The following ZNF564 variants were observed in gnomAD, a reference collection of about 807,000 sequenced individuals.
The protein encoded by ZNF564 is zinc finger protein 564.
Under a neutral mutation model 10.5 loss-of-function variants are expected in ZNF564, and 5 were observed. The ratio of observed to expected loss-of-function variants is 0.48; its 90% confidence interval spans 0.25 to 1.00. ZNF564 has a LOEUF of 1.00. Ranked by LOEUF, ZNF564 falls within the 50% of genes least tolerant of loss-of-function variation. The pLI is 0.16. For missense variants in ZNF564, 603 were observed against 669.7 expected, an observed-to-expected ratio of 0.90 and a Z score of 1.10; for synonymous variants, 242 against 218.1, an observed-to-expected ratio of 1.11 and a Z score of -0.97.
intron 1 of ZNF564, among the ~76,000 whole-genome samples, chr19:12,549,969 G>A (rs1369168192): frequency 1.3e-5 from 2 of 152,200 alleles, no homozygotes; most frequent in Non-Finnish European, 2.9e-5. Flanking sequence ...TCGGGGCTTA[G>A]GAAAGATAAA....
chr19:12,543,864 G>T (rs115951312), intron 1 of ZNF564, among the ~76,000 whole-genome samples: 1,761 of 152,168 alleles, frequency 0.012, 32 homozygotes, highest in African/African-American at 0.041. Context: ...GGTAATCGGG[G>T]TTAGAGACCA....
chr19:12,532,530 G>A (rs1342356163), intron 1 of ZNF564, among the ~76,000 whole-genome samples: 6 of 83,420 alleles, frequency 7.2e-5, no homozygotes, highest in East Asian at 3.6e-4. Context: ...GCGAGACTCC[G>A]TCTCAAAAAA....
At chr19:12,540,262 A>C (rs906442154) in intron 1 of ZNF564, among the ~76,000 whole-genome samples, 1 of 152,210 alleles carries the variant, frequency 6.6e-6, no homozygotes, top group African/African-American at 2.4e-5. Flanking sequence ...GGCTGTCATG[A>C]GACTGACATT....
chr19:12,537,542 C>G (rs1423256384), intron 1 of ZNF564, among the ~76,000 whole-genome samples: 2 of 151,782 alleles, frequency 1.3e-5, no homozygotes, highest in African/African-American at 4.8e-5. Context: ...AGTTCGAGAC[C>G]AGCCTGACCA....
intron 1 of ZNF564, among the ~76,000 whole-genome samples, chr19:12,539,368 A>G (rs1045755989): frequency 1.3e-5 from 2 of 151,882 alleles, no homozygotes; most frequent in African/African-American, 4.8e-5. Flanking sequence ...TAGTGTAAAA[A>G]AAGAAAGCTG....
Position 12,547,222 on chromosome 19 carries a change from A to AT in ZNF564, c.3+4107dup, listed in dbSNP as rs373568666. On this transcript the variant is annotated intron_variant, in intron 1 of 3. Transcript: ENST00000339282. ...GGGACTATAGGTGTGCACCACCACAATTTTTTTTAATTTTGTAGAGAGATG... is the reference window on the plus strand; with the variant it reads ...GGGACTATAGGTGTGCACCACCACAATTTTTTTTTAATTTTGTAGAGAGATG... Among the ~76,000 whole-genome samples the AT allele has an allele frequency of 1.4e-3, 212 of 152,050 alleles. 1 individual carries two copies. Among genetic ancestry groups the AT allele is most frequent in the African/African-American group, 4.7e-3 (194 of 41,462 alleles).
intron 1 of ZNF564, chr19:12,532,906 C>T (rs917519294): frequency 5.3e-5 from 8 of 152,116 alleles, no homozygotes; most frequent in South Asian, 2.1e-4. Context: ...ATACACTAAT[C>T]TACTTGTATA....
intron 1 of ZNF564, among the ~76,000 whole-genome samples, chr19:12,542,564 T>G (rs1425425059): frequency 6.7e-6 from 1 of 149,550 alleles, no homozygotes. Context: ...TAGGCTGCAG[T>G]GAGCTATGAT....
chr19:12,546,886 T>C (rs1272063391), intron 1 of ZNF564, among the ~76,000 whole-genome samples: 1 of 152,196 alleles, frequency 6.6e-6, no homozygotes, highest in Non-Finnish European at 1.5e-5. Flanking sequence ...CCCTGAACTT[T>C]GACCCATCCT....
In ZNF564 at chr19:12,528,287, T is replaced by C; in HGVS notation, c.191+17A>G. ...ACTAAGAAGGAGACATTGCTTTATC[T>C]TGTCAGTGCAAATTACCTTAAAATT... On this transcript the variant is annotated intron_variant, in intron 3 of 3. Transcript: ENST00000339282. 6.2e-7 allele frequency: 1 copy of C among 1,603,130 alleles called. No individual in the cohort carries two copies. Among genetic ancestry groups the C allele is most frequent in the Non-Finnish European group, 8.5e-7 (1 of 1,175,884 alleles).
chr19:12,538,135 A>G (rs1001318463), intron 1 of ZNF564, among the ~76,000 whole-genome samples: 7 of 152,124 alleles, frequency 4.6e-5, no homozygotes, highest in Non-Finnish European at 8.8e-5. Flanking sequence ...TATAACACAC[A>G]TTCAACATAC....
At chr19:12,529,850 G>A (rs1019414169) in intron 1 of ZNF564, 1 of 152,030 alleles carries the variant, frequency 6.6e-6, no homozygotes, top group Admixed American at 6.6e-5. Flanking sequence ...TGGGCGTGGT[G>A]GTGGGCACCT....
At chr19:12,545,524 G>C (rs1443775396) in intron 1 of ZNF564, among the ~76,000 whole-genome samples, 3 of 152,036 alleles carry the variant, frequency 2.0e-5, no homozygotes, top group Admixed American at 6.6e-5. Flanking sequence ...CAAGTTCAGG[G>C]CTCAGTCTCA....
At chr19:12,543,688 A>AG (rs998534316) in intron 1 of ZNF564, among the ~76,000 whole-genome samples, 10 of 151,668 alleles carry the variant, frequency 6.6e-5, no homozygotes, top group Non-Finnish European at 1.2e-4. Flanking sequence ...AAAAAAAAAA[A>AG]AAAAAAAACA....
intron 1 of ZNF564, chr19:12,550,355 T>C: frequency 6.8e-6 from 1 of 146,666 alleles, no homozygotes. Flanking sequence ...CCTCTCAGGT[T>C]ACAAGTACAC....
Position 12,551,351 on chromosome 19 carries a change from T to TC in ZNF564, c.-20dup. ...GCACCATTTCCTGGCTTCCAGGGTG[T>TC]CCCGGGGTCCTGCCTACGGCTCTCT... On this transcript the variant is annotated 5_prime_UTR_variant, in exon 1 of 4. Coordinates refer to ENST00000339282, the MANE Select transcript of ZNF564 (RefSeq NM_144976.4). 1 of 1,603,158 alleles carries TC rather than the reference T, an allele frequency of 6.2e-7. No homozygotes were observed. The highest frequency in any genetic ancestry group is 1.7e-4 in the Middle Eastern group (1 of 6,024).
intron 1 of ZNF564, chr19:12,548,857 T>C (rs529248350): frequency 4.3e-6 from 3 of 702,880 alleles, no homozygotes; most frequent in African/African-American, 3.5e-5. Flanking sequence ...CGACAAAATC[T>C]CTACCCTGCA....
chr19:12,547,494 A>T (rs2022176109), intron 1 of ZNF564, among the ~76,000 whole-genome samples: 1 of 152,142 alleles, frequency 6.6e-6, no homozygotes, highest in South Asian at 2.1e-4. Flanking sequence ...GTCTAGAAAC[A>T]ACTCTCTCAA....
Position 12,527,393 on chromosome 19 carries a change from T to A in ZNF564, c.715A>T (p.Ser239Cys). ...ECAKAFISLPSFQRHMIRHTG... is the reference protein window; with the variant it reads ...ECAKAFISLPCFQRHMIRHTG... Reference sequence around the variant, plus strand: ...TGCCTAATCATGTGTCTTTGAAAACTTGGAAGAGAAATGAAAGCTTTTGCA... The same window carrying A: ...TGCCTAATCATGTGTCTTTGAAAACATGGAAGAGAAATGAAAGCTTTTGCA... Residue 239 changes from serine to cysteine, a missense_variant, in exon 4 of 4, where the codon AGT becomes TGT. Coordinates refer to ENST00000339282, the MANE Select transcript of ZNF564 (RefSeq NM_144976.4). The A allele has an allele frequency of 2.5e-6, 4 of 1,614,124 alleles. No individual in the cohort carries two copies. The highest frequency in any genetic ancestry group is 3.4e-6 in the Non-Finnish European group (4 of 1,180,016).
Sources: gnomAD v4.1 joint callset for allele counts (sites outside exome capture counted in the v4.1 genomes callset) on GRCh38, gnomAD v4.1.1 for gene constraint, MANE v1.5 for transcripts, NCBI Gene and HGNC (gene_info 2026-07-23, HGNC 2026-07-21) for gene names.